TSPEAR: variants seen among roughly 807,000 people sequenced by gnomAD.
TSPEAR encodes thrombospondin type laminin G domain and EAR repeats, also known as thrombospondin-type laminin G domain and EAR repeat-containing protein.
A neutral mutation model predicts 71.6 loss-of-function variants in TSPEAR; 69 were observed. That is an observed-to-expected ratio of 0.96 (90% CI 0.79 to 1.18). The LOEUF is 1.18. Among genes scored for constraint, TSPEAR ranks in the 50% most tolerant of loss-of-function variants. The pLI is 0.00. For synonymous variants in TSPEAR, 402 were observed against 387.2 expected (o/e 1.04, Z -0.45); for missense variants, 971 against 894.9 (o/e 1.09, Z -1.09).
At chr21:44,531,355 T>G (rs1210971772) in intron 3 of TSPEAR, among the ~76,000 whole-genome samples, 4 of 152,124 alleles carry the variant, frequency 2.6e-5, no homozygotes, top group African/African-American at 4.8e-5. Context: ...GGAGGACGCT[T>G]CCTCGACTCA....
rs782066699 is a variant in TSPEAR, at chr21:44,527,352, T to G, written c.1089A>C (p.Ser363=). 6.2e-7 allele frequency: 1 copy of G among 1,614,208 alleles called. No homozygotes were observed. The highest frequency in any genetic ancestry group is 1.1e-5 in the South Asian group (1 of 91,080). The change falls in exon 7 of 12, where the codon TCA becomes TCC. Residue 363 remains serine (S), a synonymous_variant. Transcript: ENST00000323084. ...VYKWTEEKFV[S]YQNIPTHQAQ... is the part of the protein sequence containing the mutation. ...CTTGGTGCGTGGGGATGTTCTGATATGAGACGAACTTCTCTTCGGTCCACT... is the reference window on the plus strand; with the variant it reads ...CTTGGTGCGTGGGGATGTTCTGATAGGAGACGAACTTCTCTTCGGTCCACT...
Position 44,546,951 on chromosome 21 carries a change from AT to A in TSPEAR, c.304-13029del, listed in dbSNP as rs1380245815. ...AGTTTTGGCCATTATTTCTTCAATT[AT>A]TTTTTCTGCTCCCCCTGTCTCCCCT... On this transcript the variant is annotated intron_variant, in intron 2 of 11. Coordinates refer to ENST00000323084, the MANE Select transcript of TSPEAR (RefSeq NM_144991.3). The surrounding 1 kb of genome is among the most constrained non-coding windows in gnomAD (Gnocchi z 4.4). 6.6e-6 allele frequency among the ~76,000 whole-genome samples: 1 copy of A among 151,864 alleles called. No individual in the cohort carries two copies. The highest frequency in any genetic ancestry group is 2.1e-4 in the South Asian group (1 of 4,814).
chr21:44,696,691 G>A lies in TSPEAR; in HGVS notation c.82+14742C>T, dbSNP rs79495399. 8.3e-3 allele frequency among the ~76,000 whole-genome samples: 1,271 copies of A among 152,296 alleles called. 21 individuals carry two copies. Among genetic ancestry groups the A allele is most frequent in the African/African-American group, 0.028 (1,150 of 41,542 alleles). On this transcript the variant is annotated intron_variant, in intron 1 of 11. Coordinates refer to ENST00000323084, the MANE Select transcript of TSPEAR (RefSeq NM_144991.3). ...ACTCAACTGAGTGTGAAGAAATTAG[G>A]GGGAAATAATAGTAAGCAATACCAA...
chr21:44,574,515 C>G (rs202055389), intron 1 of TSPEAR: 25 of 1,609,398 alleles, frequency 1.6e-5, no homozygotes, highest in East Asian at 2.2e-5. Context: ...ATGCTGCCAG[C>G]AGTCTAGCTG....
chr21:44,659,778 A>G (rs1206125184), intron 1 of TSPEAR, among the ~76,000 whole-genome samples: 1 of 152,190 alleles, frequency 6.6e-6, no homozygotes, highest in Non-Finnish European at 1.5e-5. Flanking sequence ...AGAGCAAGAC[A>G]CTATCTCTAA....
In TSPEAR at chr21:44,612,892, A is replaced by C; in HGVS notation, c.83-44887T>G. The C allele has an allele frequency of 2.5e-6, 4 of 1,608,600 alleles. No individual in the cohort carries two copies. The highest frequency in any genetic ancestry group is 2.2e-5 in the East Asian group (1 of 44,794). On this transcript the variant is annotated intron_variant, in intron 1 of 11. Coordinates refer to ENST00000323084, the MANE Select transcript of TSPEAR (RefSeq NM_144991.3). The surrounding 1 kb of genome is among the most constrained non-coding windows in gnomAD (Gnocchi z 4.1). ...GCCTGGCCTGCTGAGGCCTCTGCTCAGGCCAGGAGTCCAGCTGCTGATGGG... is the reference window on the plus strand; with the variant it reads ...GCCTGGCCTGCTGAGGCCTCTGCTCCGGCCAGGAGTCCAGCTGCTGATGGG...
At chr21:44,517,917 C>G in intron 9 of TSPEAR, 1 of 467,250 alleles carries the variant, frequency 2.1e-6, no homozygotes, top group Non-Finnish European at 4.5e-6. Flanking sequence ...TTCAAGCCTT[C>G]TCTGACAATT....
rs376501742 is a variant in TSPEAR, at chr21:44,641,438, A to G, written c.82+69995T>C. 1.3e-4 allele frequency among the ~76,000 whole-genome samples: 20 copies of G among 152,320 alleles called. No individual in the cohort carries two copies. In the East Asian group the frequency reaches 3.5e-3, roughly 26 times the overall value. On this transcript the variant is annotated intron_variant, in intron 1 of 11. Transcript: ENST00000323084. ...CTGATACAGTGACCCCAGTTCAGGCAAGGATTGACCCAAACCCAATGCAGA... is the reference window on the plus strand; with the variant it reads ...CTGATACAGTGACCCCAGTTCAGGCGAGGATTGACCCAAACCCAATGCAGA...
At chr21:44,530,611 G>A (rs587604374) in intron 4 of TSPEAR, among the ~76,000 whole-genome samples, 1 of 152,374 alleles carries the variant, frequency 6.6e-6, no homozygotes, top group Non-Finnish European at 1.5e-5. Context: ...TCTGCTATGT[G>A]CCAGGCATGG....
At chr21:44,530,889 G>A (rs587632620) in intron 4 of TSPEAR, among the ~76,000 whole-genome samples, 154 bp downstream of exon 4, 42 of 152,340 alleles carry the variant, frequency 2.8e-4, no homozygotes, top group African/African-American at 8.4e-4. Context: ...AACAGCAAGC[G>A]TGAAGGCCCT....
chr21:44,547,070 C>T (rs2053313945), intron 2 of TSPEAR, among the ~76,000 whole-genome samples: 1 of 152,228 alleles, frequency 6.6e-6, no homozygotes, highest in African/African-American at 2.4e-5. Context: ...CTCACATCTA[C>T]TCCCCTTTGT....
At position 44,499,886 on chromosome 21, in the gene TSPEAR, C is replaced by G. The variant is rs782750180; in HGVS notation, c.1907G>C (p.Gly636Ala). The G allele has an allele frequency of 1.2e-6, 2 of 1,607,374 alleles. No homozygotes were observed. Among genetic ancestry groups the G allele is most frequent in the African/African-American group, 2.7e-5 (2 of 74,730 alleles). ...GCTGAAGGCCTCCCAGTCCCTGCAG[C>G]CGACGGTGGGGAGGCTGTGCACCGC... ...FVAVHSLPTV[G>A]CRDWEAFSTT... is the part of the protein sequence containing the mutation. The change falls in exon 12 of 12, where the codon GGC becomes GCC. Residue 636 changes from glycine (G) to alanine (A), a missense_variant. By Grantham distance (60) the Gly-to-Ala change is moderately conservative (BLOSUM62 0). Transcript: ENST00000323084.
intron 1 of TSPEAR, among the ~76,000 whole-genome samples, chr21:44,634,731 C>T (rs868969135): frequency 2.6e-5 from 4 of 152,262 alleles, no homozygotes; most frequent in Admixed American, 2.6e-4. Context: ...GGAAAAGAAG[C>T]TCAATGTTAT....
At position 44,509,275 on chromosome 21, in the gene TSPEAR, C is replaced by CAT. The variant is rs781890406; in HGVS notation, c.1676_1677dup (p.Val560MetfsTer10). 2 of 1,613,966 alleles carry CAT rather than the reference C, an allele frequency of 1.2e-6. No homozygotes were observed. The highest frequency in any genetic ancestry group is 1.7e-6 in the Non-Finnish European group (2 of 1,180,038). ...AGCTCGTAGATGACGGAGTTGATGACATAGGAATCATTCTGGACTTGCATC... is the reference window on the plus strand; with the variant it reads ...AGCTCGTAGATGACGGAGTTGATGACATATAGGAATCATTCTGGACTTGCATC... On this transcript the variant is annotated frameshift_variant, in exon 10 of 12. Coordinates refer to ENST00000323084, the MANE Select transcript of TSPEAR (RefSeq NM_144991.3). LOFTEE classifies it high-confidence loss of function.
intron 1 of TSPEAR, chr21:44,666,326 G>C: frequency 8.5e-7 from 1 of 1,176,036 alleles, no homozygotes; most frequent in Admixed American, 2.4e-5. Flanking sequence ...GAATTCAGAG[G>C]GTTCAACTGA....
intron 1 of TSPEAR, among the ~76,000 whole-genome samples, chr21:44,699,141 G>A (rs1401139250): frequency 6.6e-6 from 1 of 152,124 alleles, no homozygotes; most frequent in African/African-American, 2.4e-5. Flanking sequence ...AGGGTGCAGT[G>A]AGCTGAGATT....
chr21:44,569,245 C>T (rs12627518), intron 1 of TSPEAR, among the ~76,000 whole-genome samples: 38,982 of 152,174 alleles, frequency 0.26, 5,687 homozygotes, highest in East Asian at 0.41. Context: ...TCCGCACACG[C>T]GCACACAGGG....
At chr21:44,511,332 TAC>T (rs781819014) in intron 9 of TSPEAR, among the ~76,000 whole-genome samples, 22 of 152,078 alleles carry the variant, frequency 1.4e-4, no homozygotes, top group South Asian at 2.1e-4. Flanking sequence ...CATGCATGCA[TAC>T]ACACACAAAC....
Position 44,675,132 on chromosome 21 carries a change from G to A in TSPEAR, c.82+36301C>T, listed in dbSNP as rs375089317. 2.8e-4 allele frequency among the ~76,000 whole-genome samples: 43 copies of A among 152,070 alleles called. 1 individual carries two copies. The South Asian group carries it at 7.5e-3, about 26-fold the overall frequency. On this transcript the variant is annotated intron_variant, in intron 1 of 11. Coordinates refer to ENST00000323084, the MANE Select transcript of TSPEAR (RefSeq NM_144991.3). ...ACAAAAATACAGTAAAAAAAGAAAA[G>A]TACAGACCAATATCCCCAATGAACA...
Sources: allele counts gnomAD v4.1 joint callset (sites outside exome capture counted in the v4.1 genomes callset), GRCh38; gene constraint gnomAD v4.1.1; non-coding constraint Gnocchi (gnomAD v3.1); transcripts MANE v1.5; gene names NCBI Gene and HGNC (gene_info 2026-07-23, HGNC 2026-07-21).